The following FOXP1 variants were observed in gnomAD, a reference collection of about 807,000 sequenced individuals.
The protein encoded by FOXP1 is forkhead box P1, also known as forkhead box protein P1.
Under a neutral mutation model 98.2 loss-of-function variants are expected in FOXP1, and 15 were observed. The ratio of observed to expected loss-of-function variants is 0.15; its 90% CI spans 0.10 to 0.24. The LOEUF is 0.24. FOXP1 is among the 10% of genes least tolerant of loss of function. FOXP1 has a pLI of 1.00. For synonymous variants in FOXP1, 371 were observed against 314.5 expected, an observed-to-expected ratio of 1.18 and a Z score of -1.90; for missense variants, 633 against 848.5, an observed-to-expected ratio of 0.75 and a Z score of 3.15.
At chr3:71,439,226 G>A (rs1015263591) in intron 3 of FOXP1, among the ~76,000 whole-genome samples, 1 of 152,212 alleles carries the variant, frequency 6.6e-6, no homozygotes, top group Non-Finnish European at 1.5e-5. Flanking sequence ...CTGCACGAGA[G>A]CTGCTCAGAA....
chr3:71,036,771 A>C (rs946695088), intron 11 of FOXP1, among the ~76,000 whole-genome samples: 5 of 152,194 alleles, frequency 3.3e-5, no homozygotes, highest in African/African-American at 1.2e-4. Context: ...CGCTTCATGA[A>C]AGGCCTGGTA....
intron 12 of FOXP1, among the ~76,000 whole-genome samples, chr3:71,001,769 T>C (rs908306655): frequency 3.3e-5 from 5 of 152,192 alleles, no homozygotes; most frequent in East Asian, 1.9e-4. Context: ...GGCTAACAAA[T>C]TGAAATTTCA....
intron 5 of FOXP1, among the ~76,000 whole-genome samples, chr3:71,265,516 T>C (rs2037478): frequency 0.15 from 23,351 of 152,172 alleles, 1,961 homozygotes; most frequent in African/African-American, 0.18. Flanking sequence ...TGGATGGTTC[T>C]CTAGGAGGAA....
intron 7 of FOXP1, among the ~76,000 whole-genome samples, chr3:71,092,217 C>A (rs1390912696): frequency 6.9e-6 from 1 of 145,124 alleles, no homozygotes; most frequent in African/African-American, 2.6e-5. Context: ...CAAAAAAAAA[C>A]AAAATTAGCT....
chr3:71,010,485 G>A (rs1158780524), intron 12 of FOXP1, among the ~76,000 whole-genome samples: 1 of 152,156 alleles, frequency 6.6e-6, no homozygotes, highest in East Asian at 1.9e-4. Context: ...TCGGGACTAT[G>A]CCTGTTTTAA....
intron 6 of FOXP1, among the ~76,000 whole-genome samples, chr3:71,132,657 A>G (rs1250667430): frequency 6.6e-6 from 1 of 152,198 alleles, no homozygotes; most frequent in African/African-American, 2.4e-5. Flanking sequence ...CTTTTGCAGC[A>G]CGCTTGGATT....
intron 3 of FOXP1, among the ~76,000 whole-genome samples, chr3:71,397,039 TATATATATACAC>T (rs1288404416): frequency 3.5e-5 from 3 of 85,736 alleles, no homozygotes; most frequent in East Asian, 4.9e-4. Context: ...TATATGTGTA[TATATATATACAC>T]ATATATATGT....
intron 12 of FOXP1, among the ~76,000 whole-genome samples, chr3:71,001,743 T>C (rs1050133934): frequency 1.3e-5 from 2 of 152,214 alleles, no homozygotes; most frequent in African/African-American, 2.4e-5. Context: ...TTTATTAGAC[T>C]TTCCAACAGG....
intron 6 of FOXP1, among the ~76,000 whole-genome samples, chr3:71,168,823 T>C (rs1051869916): frequency 6.6e-6 from 1 of 152,216 alleles, no homozygotes. Context: ...AGTACTTCTA[T>C]AGAACCAAGG....
At chr3:70,988,809 G>C (rs111599264) in intron 13 of FOXP1, among the ~76,000 whole-genome samples, 1 of 152,158 alleles carries the variant, frequency 6.6e-6, no homozygotes, top group Non-Finnish European at 1.5e-5. Flanking sequence ...GCTTTAACTC[G>C]ATATTTTCAA....
At chr3:71,356,213 C>CAAAAAAAAAAA (rs3064928) in intron 4 of FOXP1, among the ~76,000 whole-genome samples, 1 of 75,352 alleles carries the variant, frequency 1.3e-5, no homozygotes, top group Non-Finnish European at 2.8e-5. Context: ...CTGACTAAGT[C>CAAAAAAAAAAA]AAAAAAAAAA....
chr3:71,052,813 T>G (rs1197345508), intron 8 of FOXP1, among the ~76,000 whole-genome samples, 187 bp from the exon 9 acceptor site: 2 of 152,214 alleles, frequency 1.3e-5, no homozygotes, highest in Non-Finnish European at 2.9e-5. Flanking sequence ...GTTTGAAAAG[T>G]AATCTCCAAA....
At chr3:71,275,851 G>A (rs1173413061) in intron 5 of FOXP1, among the ~76,000 whole-genome samples, 1 of 151,976 alleles carries the variant, frequency 6.6e-6, no homozygotes, top group African/African-American at 2.4e-5. Context: ...TTTTTGTTTT[G>A]TTTTGTTTTG....
At position 71,151,694 on chromosome 3, in the gene FOXP1, A is replaced by G. The variant is rs2060582430; in HGVS notation, c.181-39057T>C. ...TTTTTTTTTGCACAAAGTTAATGAA[A>G]TAATTATTTTTTGGTCATACCTTGC... is the stretch of plus-strand genomic sequence containing the variant. On this transcript the variant is annotated intron_variant, in intron 6 of 20. Coordinates refer to ENST00000649528, the MANE Select transcript of FOXP1 (RefSeq NM_001349338.3). 4.0e-5 allele frequency among the ~76,000 whole-genome samples: 6 copies of G among 149,210 alleles called. 1 individual carries two copies. In the South Asian group the frequency reaches 1.3e-3, roughly 32 times the overall value.
At chr3:71,410,693 T>C (rs866420359) in intron 3 of FOXP1, among the ~76,000 whole-genome samples, 11 of 152,248 alleles carry the variant, frequency 7.2e-5, no homozygotes, top group Non-Finnish European at 1.2e-4. Context: ...TTTACGTTTC[T>C]GATCTCTTAG....
chr3:71,015,208 T>C lies in FOXP1; in HGVS notation c.974+341A>G, dbSNP rs188915438. Reference sequence around the variant, plus strand: ...CAACAAAATTATAGTGTATATGTCATTGATTTGATATGTAAGGACATGAAT... The same window carrying C: ...CAACAAAATTATAGTGTATATGTCACTGATTTGATATGTAAGGACATGAAT... On this transcript the variant is annotated intron_variant, in intron 12 of 20. Coordinates refer to ENST00000649528, the MANE Select transcript of FOXP1 (RefSeq NM_001349338.3). Among the ~76,000 whole-genome samples, 29 of 152,022 alleles carry C rather than the reference T, an allele frequency of 1.9e-4. No homozygotes were observed. The East Asian group carries it at 4.1e-3, about 21-fold the overall frequency.
intron 6 of FOXP1, among the ~76,000 whole-genome samples, chr3:71,177,822 A>C (rs12108043): frequency 2.5e-4 from 31 of 124,702 alleles, no homozygotes; most frequent in African/African-American, 8.8e-4. Context: ...CTGATAGTTT[A>C]TTTTCTTTTC....
chr3:71,268,239 CG>C (rs1454378370), intron 5 of FOXP1, among the ~76,000 whole-genome samples: 2 of 151,474 alleles, frequency 1.3e-5, no homozygotes, highest in Non-Finnish European at 2.9e-5. Flanking sequence ...TATAGGCGCC[CG>C]CCACCTCGCC....
chr3:71,328,857 G>A lies in FOXP1; in HGVS notation c.-72-28977C>T, dbSNP rs147118713. ...GTGGTGGTGCATGCCTGTAATCCTA[G>A]CTACTTGGGAGGCTGAGGCAGGAGA... On this transcript the variant is annotated intron_variant, in intron 4 of 20. Coordinates refer to ENST00000649528, the MANE Select transcript of FOXP1 (RefSeq NM_001349338.3). Among the ~76,000 whole-genome samples, 354 of 151,896 alleles carry A rather than the reference G, an allele frequency of 2.3e-3. 2 individuals carry two copies. Among genetic ancestry groups the A allele is most frequent in the African/African-American group, 8.0e-3 (331 of 41,430 alleles).
Sources: allele counts gnomAD v4.1 joint callset (sites outside exome capture counted in the v4.1 genomes callset), GRCh38; gene constraint gnomAD v4.1.1; transcripts MANE v1.5; gene names NCBI Gene and HGNC (gene_info 2026-07-23, HGNC 2026-07-21).